DPP10: variants seen among roughly 807,000 people sequenced by gnomAD.
DPP10 encodes dipeptidyl peptidase like 10.
Under a neutral mutation model 120.9 loss-of-function variants are expected in DPP10, and 33 were observed. The observed-to-expected ratio is 0.27, with a 90% confidence interval of 0.21 to 0.37. The LOEUF (loss-of-function observed/expected upper bound fraction) is 0.37. Among genes scored for constraint, DPP10 ranks in the 10% least tolerant of loss-of-function variants. DPP10 has a pLI of 1.00. For missense variants in DPP10, 816 were observed against 942.8 expected (o/e 0.87, Z 1.76); for synonymous variants, 337 against 326.1 (o/e 1.03, Z -0.36).
intron 1 of DPP10, among the ~76,000 whole-genome samples, chr2:114,529,226 C>T (rs1159444429): frequency 6.6e-6 from 1 of 152,110 alleles, no homozygotes; most frequent in African/African-American, 2.4e-5. Context: ...TTGCTCATAT[C>T]TGTGTTAGTG....
At chr2:115,827,318 C>CATGTATATGTAT (rs70941100) in intron 21 of DPP10, among the ~76,000 whole-genome samples, 24,494 of 137,624 alleles carry the variant, frequency 0.18, 2,462 homozygotes, top group Middle Eastern at 0.3. Flanking sequence ...TACACATGTA[C>CATGTATATGTAT]ATGTATATGT....
chr2:114,881,576 C>CA (rs1691634861), intron 1 of DPP10, among the ~76,000 whole-genome samples: 1 of 103,122 alleles, frequency 9.7e-6, no homozygotes, highest in South Asian at 3.7e-4. Context: ...ATCTATCTAT[C>CA]TATCTGTCTG....
intron 3 of DPP10, among the ~76,000 whole-genome samples, chr2:115,424,564 A>G (rs2070280012): frequency 6.6e-6 from 1 of 151,976 alleles, no homozygotes; most frequent in Admixed American, 6.6e-5. Context: ...GAATCCAATT[A>G]TTGCTTTGTA....
chr2:115,608,645 C>A (rs1181759818), intron 5 of DPP10, among the ~76,000 whole-genome samples: 1 of 152,040 alleles, frequency 6.6e-6, no homozygotes, highest in Non-Finnish European at 1.5e-5. Context: ...TTCCAACAAG[C>A]CTTTAGCATC....
intron 1 of DPP10, among the ~76,000 whole-genome samples, chr2:115,019,650 C>G (rs1702925588): frequency 6.6e-6 from 1 of 152,134 alleles, no homozygotes; most frequent in Non-Finnish European, 1.5e-5. Context: ...CATCCAAATA[C>G]AAGAAGCTCA....
chr2:115,762,389 GT>G (rs3832037), intron 11 of DPP10, among the ~76,000 whole-genome samples, 182 bp from the exon 12 acceptor site: 66,069 of 151,896 alleles, frequency 0.43, 17,043 homozygotes, highest in East Asian at 0.66. Flanking sequence ...TTAAATTATC[GT>G]TTAGTCCCTA....
At chr2:115,791,039 G>C (rs1559157597) in intron 17 of DPP10, 42 bp from the exon 18 acceptor site, 2 of 1,418,292 alleles carry the variant, frequency 1.4e-6, no homozygotes, top group Non-Finnish European at 2.0e-6. Flanking sequence ...TCTGTTTAAT[G>C]CATAGGGGTT....
At chr2:115,176,804 G>T (rs1573901523) in intron 1 of DPP10, among the ~76,000 whole-genome samples, 1 of 152,144 alleles carries the variant, frequency 6.6e-6, no homozygotes, top group Non-Finnish European at 1.5e-5. Flanking sequence ...TAGGTAGGTG[G>T]CAGAACTGGG....
chr2:115,675,167 T>C (rs1184855358), intron 5 of DPP10, among the ~76,000 whole-genome samples: 3 of 152,148 alleles, frequency 2.0e-5, no homozygotes, highest in African/African-American at 7.2e-5. Context: ...GCAAACAAAG[T>C]TAAGTCATGT....
intron 1 of DPP10, among the ~76,000 whole-genome samples, chr2:115,114,551 C>T (rs2049399862): frequency 6.6e-6 from 1 of 152,198 alleles, no homozygotes; most frequent in African/African-American, 2.4e-5. Flanking sequence ...AGATTCTCTA[C>T]ATGTGCCACC....
intron 3 of DPP10, among the ~76,000 whole-genome samples, chr2:115,434,103 C>T (rs1394339952): frequency 2.0e-5 from 3 of 151,850 alleles, no homozygotes; most frequent in Non-Finnish European, 2.9e-5. Context: ...AATTACTATA[C>T]ATATATGAGT....
chr2:115,635,966 G>T (rs894202452), intron 5 of DPP10, among the ~76,000 whole-genome samples: 2 of 152,060 alleles, frequency 1.3e-5, no homozygotes, highest in Admixed American at 6.6e-5. Flanking sequence ...CTTGAAAGGT[G>T]GAACATGTCC....
rs551143519 is a variant in DPP10 at position 114,615,644 on chromosome 2, G to A, written c.60+172806G>A. Among the ~76,000 whole-genome samples, 40 of 152,238 alleles carry A rather than the reference G, an allele frequency of 2.6e-4. No homozygotes were observed. In the South Asian group the frequency reaches 7.2e-3, roughly 28 times the overall value. On this transcript the variant is annotated intron_variant, in intron 1 of 25. Coordinates refer to ENST00000410059, the MANE Select transcript of DPP10 (RefSeq NM_020868.6). ...TAATGGGTTCTATTCCCTACTCTAT[G>A]TTTGATTTACTGGTTAGCCTTGGGC...
At chr2:114,494,006 T>TCACA (rs1263397045) in intron 1 of DPP10, among the ~76,000 whole-genome samples, 2 of 150,730 alleles carry the variant, frequency 1.3e-5, no homozygotes, top group African/African-American at 4.9e-5. Flanking sequence ...CATTGCCTGG[T>TCACA]ATTTCATATT....
chr2:115,815,554 T>A, intron 20 of DPP10, 121 bp from the exon 21 acceptor site: 1 of 848,570 alleles, frequency 1.2e-6, no homozygotes, highest in South Asian at 2.1e-5. Context: ...TGAACAGAGC[T>A]ACAGTTAGTA....
intron 5 of DPP10, among the ~76,000 whole-genome samples, chr2:115,649,780 T>G (rs1458199606): frequency 6.6e-6 from 1 of 152,106 alleles, no homozygotes; most frequent in Admixed American, 6.6e-5. Flanking sequence ...TCACATTATT[T>G]CAAATAGTGA....
chr2:115,766,286 A>ATGTGTGTGTGTGTGTGTGTGTG lies in DPP10; in HGVS notation c.1114-2007_1114-1986dup, dbSNP rs34673352. Among the ~76,000 whole-genome samples, 5 of 70,258 alleles carry ATGTGTGTGTGTGTGTGTGTGTG rather than the reference A, an allele frequency of 7.1e-5. 1 individual carries two copies. The highest frequency in any genetic ancestry group is 1.2e-4 in the Non-Finnish European group (4 of 34,114). 46.1% of individuals were successfully genotyped at this position (70,258 alleles called of 152,430 possible). The stretch of plus-strand genomic sequence containing the variant: ...ATGAACAAAAATACTCATTATATAT[A>ATGTGTGTGTGTGTGTGTGTGTG]TGTGTGTGTGTGTGTGTGTGTGTGT... On this transcript the variant is annotated intron_variant, in intron 12 of 25. Coordinates refer to ENST00000410059, the MANE Select transcript of DPP10 (RefSeq NM_020868.6).
At chr2:115,248,646 A>G (rs1229101050) in intron 1 of DPP10, among the ~76,000 whole-genome samples, 1 of 152,078 alleles carries the variant, frequency 6.6e-6, no homozygotes, top group Non-Finnish European at 1.5e-5. Context: ...TAAGGGAGGG[A>G]GATGGGGTAA....
At chr2:114,825,042 G>A (rs1239944231) in intron 1 of DPP10, among the ~76,000 whole-genome samples, 1 of 152,176 alleles carries the variant, frequency 6.6e-6, no homozygotes, top group Non-Finnish European at 1.5e-5. Context: ...GCTGTGGAAG[G>A]TATAAAGCTA....
Sources: gnomAD v4.1 joint callset for allele counts (sites outside exome capture counted in the v4.1 genomes callset) on GRCh38, gnomAD v4.1.1 for gene constraint, MANE v1.5 for transcripts, NCBI Gene and HGNC (gene_info 2026-07-23, HGNC 2026-07-21) for gene names.